Variants in SCYL3 observed in about 807,000 individuals in gnomAD.
The protein encoded by SCYL3 is protein-associating with the carboxyl-terminal domain of ezrin.
A neutral mutation model predicts 73.8 loss-of-function variants in SCYL3; 35 were observed. That is an observed-to-expected ratio of 0.47 (90% CI 0.36 to 0.63). The LOEUF (loss-of-function observed/expected upper bound fraction) is 0.63. Ranked by LOEUF, SCYL3 falls within the 20% of genes least tolerant of loss-of-function variation. The probability of loss-of-function intolerance (pLI) is 0.00; values close to 1 mark genes in which losing one functional copy is unlikely to be tolerated. For missense variants in SCYL3, 712 were observed against 798.9 expected, an observed-to-expected ratio of 0.89 and a Z score of 1.31; for synonymous variants, 277 against 295.2, an observed-to-expected ratio of 0.94 and a Z score of 0.63.
chr1:169,871,352 A>G (rs565966527), intron 5 of SCYL3, among the ~76,000 whole-genome samples: 62 of 152,316 alleles, frequency 4.1e-4, no homozygotes, highest in African/African-American at 1.4e-3. Flanking sequence ...TGGCTTTAAA[A>G]AAGGGGAGTT....
At chr1:169,891,743 G>C (rs1486002915) in intron 1 of SCYL3, among the ~76,000 whole-genome samples, 2 of 152,238 alleles carry the variant, frequency 1.3e-5, no homozygotes, top group African/African-American at 4.8e-5. Context: ...TTCAGGGTCA[G>C]TGCTCTGGCT....
Position 169,860,550 on chromosome 1 carries a change from A to G in SCYL3, c.1141-1338T>C, listed in dbSNP as rs138980636. Among the ~76,000 whole-genome samples the G allele has an allele frequency of 4.0e-3, 605 of 152,340 alleles. 2 individuals carry two copies. The highest frequency in any genetic ancestry group is 0.013 in the African/African-American group (558 of 41,570). ...TTTCTGGCCTGGTTTCCTCATTTATATAGTAAGATTAAAGGTTTCCAACAG... is the reference window on the plus strand; with the variant it reads ...TTTCTGGCCTGGTTTCCTCATTTATGTAGTAAGATTAAAGGTTTCCAACAG... On this transcript the variant is annotated intron_variant, in intron 10 of 12. Transcript: ENST00000367771.
intron 11 of SCYL3, among the ~76,000 whole-genome samples, chr1:169,858,766 T>A (rs1159115752): frequency 6.6e-6 from 1 of 152,078 alleles, no homozygotes; most frequent in Admixed American, 6.6e-5. Context: ...GTCAGTCATT[T>A]ACGAGGTCCT....
chr1:169,859,127 G>A lies in SCYL3; in HGVS notation c.1226C>T (p.Pro409Leu). The change falls in exon 11 of 13, where the codon CCA becomes CTA. Residue 409 changes from proline to leucine, a missense_variant. This residue lies in a region of SCYL3 where 370 missense variants were observed against 350.8 expected (regional missense o/e 1.05). Coordinates refer to ENST00000367771, the MANE Select transcript of SCYL3 (RefSeq NM_020423.7). ...SLAVLVSLLG[P>L]EVVVGGERTK... ...TCGTTCTCCTCCCACAACCACCTCT[G>A]GTCCAAGCAGAGAGACCAGCACTGC... is the stretch of plus-strand genomic sequence containing the variant. 2 of 1,614,016 alleles carry A rather than the reference G, an allele frequency of 1.2e-6. No homozygotes were observed. Among genetic ancestry groups the A allele is most frequent in the Non-Finnish European group, 1.7e-6 (2 of 1,179,986 alleles).
At chr1:169,862,400 A>G (rs1333276514) in intron 10 of SCYL3, among the ~76,000 whole-genome samples, 1 of 152,248 alleles carries the variant, frequency 6.6e-6, no homozygotes, top group Non-Finnish European at 1.5e-5. Flanking sequence ...ACAAACAATT[A>G]TAGTTTCTCC....
intron 1 of SCYL3, among the ~76,000 whole-genome samples, chr1:169,893,548 C>T (rs1426774835): frequency 6.6e-6 from 1 of 152,122 alleles, no homozygotes; most frequent in Non-Finnish European, 1.5e-5. Flanking sequence ...CCTCACCCGT[C>T]GGGGGCCGCC....
rs1429804304 is a variant in SCYL3 at position 169,854,328 on chromosome 1, T to A, written c.1949A>T (p.Asp650Val). Reference protein sequence around the residue: ...ELRTEMVPKKDDVSPVMQFSS... With the variant: ...ELRTEMVPKKVDVSPVMQFSS... ...AAACTGCATCACTGGGGAGACATCA[T>A]CCTTTTTTGGGACCATTTCTGTCCT... is the stretch of plus-strand genomic sequence containing the variant. The change falls in exon 12 of 13, where the codon GAT becomes GTT. Residue 650 changes from aspartate (D) to valine (V), a missense_variant. By Grantham distance (152) the Asp-to-Val change is radical. Coordinates refer to ENST00000367771, the MANE Select transcript of SCYL3 (RefSeq NM_020423.7). The A allele has an allele frequency of 6.2e-7, 1 of 1,612,896 alleles. No homozygotes were observed. Among genetic ancestry groups the A allele is most frequent in the Non-Finnish European group, 8.5e-7 (1 of 1,179,732 alleles).
intron 8 of SCYL3, 97 bp downstream of exon 8, chr1:169,866,799 A>AT: frequency 1.4e-6 from 1 of 728,746 alleles, no homozygotes; most frequent in South Asian, 1.6e-5. Context: ...ATGTGAAATA[A>AT]ACCAAATATA....
In SCYL3 at chr1:169,888,975, C is replaced by T. The variant is rs557829417; in HGVS notation, c.-50-85G>A. ...GATATCCAGACATAGCCACCCCAAA[C>T]TACTAGTTTCTTTGATCCTCATAAC... is the stretch of plus-strand genomic sequence containing the variant. On this transcript the variant is annotated intron_variant, in intron 1 of 12. Coordinates refer to ENST00000367771, the MANE Select transcript of SCYL3 (RefSeq NM_020423.7). The T allele has an allele frequency of 4.6e-5, 31 of 674,118 alleles. No individual in the cohort carries two copies. In the African/African-American group the frequency reaches 4.7e-4, roughly 10 times the overall value. 41.8% of individuals were successfully genotyped at this position (674,118 alleles called of 1,614,324 possible). A position where few individuals can be genotyped will look rare whatever the true frequency, so the allele number is the denominator to read the frequency against.
intron 10 of SCYL3, among the ~76,000 whole-genome samples, chr1:169,860,939 A>C (rs1659594416): frequency 6.6e-6 from 1 of 152,182 alleles, no homozygotes; most frequent in Non-Finnish European, 1.5e-5. Context: ...TCTTTAGGGG[A>C]AGCAGTTTCC....
Position 169,864,351 on chromosome 1 carries a change from C to CTTTGAAAAAATAACT in SCYL3, c.955+17_955+18insAGTTATTTTTTCAAA, listed in dbSNP as rs762447719. ...CCAAACTTCTTAACTAGCAATAACA[C>CTTTGAAAAAATAACT]TTTGAAAAAGCATTCACCTTTTTTG... On this transcript the variant is annotated intron_variant, in intron 9 of 12. Coordinates refer to ENST00000367771, the MANE Select transcript of SCYL3 (RefSeq NM_020423.7). 2.9e-4 allele frequency: 463 copies of CTTTGAAAAAATAACT among 1,614,132 alleles called. 1 individual carries two copies. Among genetic ancestry groups the CTTTGAAAAAATAACT allele is most frequent in the Non-Finnish European group, 3.3e-4 (395 of 1,179,998 alleles).
intron 9 of SCYL3, among the ~76,000 whole-genome samples, chr1:169,863,568 A>G (rs998030269): frequency 6.6e-6 from 1 of 152,160 alleles, no homozygotes. Flanking sequence ...TTATTTGGGA[A>G]CTTTTAAAAA....
intron 2 of SCYL3, among the ~76,000 whole-genome samples, chr1:169,886,168 G>A (rs1026931402): frequency 9.2e-5 from 14 of 152,106 alleles, no homozygotes; most frequent in Non-Finnish European, 1.3e-4. Flanking sequence ...AAAATGAGCT[G>A]GGTGTGTCGG....
chr1:169,850,234 A>G lies in SCYL3; in HGVS notation c.*3479T>C, dbSNP rs1350331514. 6.9e-7 allele frequency: 1 copy of G among 1,444,842 alleles called. No homozygotes were observed. Among genetic ancestry groups the G allele is most frequent in the South Asian group, 1.2e-5 (1 of 85,434 alleles). 89.5% of individuals were successfully genotyped at this position (1,444,842 alleles called of 1,614,324 possible). A position where few individuals can be genotyped will look rare whatever the true frequency, so the allele number is the denominator to read the frequency against. ...GTCTTTGCAAGTTGTTGAAATGTTA[A>G]AATTGGTCTTGTTCATCAATTTTTT... On this transcript the variant is annotated 3_prime_UTR_variant, in exon 13 of 13. Transcript: ENST00000367771.
intron 12 of SCYL3, 23 bp downstream of exon 12, chr1:169,854,247 G>A: frequency 6.4e-7 from 1 of 1,550,954 alleles, no homozygotes; most frequent in Non-Finnish European, 8.7e-7. Flanking sequence ...TAGTAGCACA[G>A]TTTACTCCAT....
chr1:169,876,930 A>G (rs376696863), intron 3 of SCYL3, among the ~76,000 whole-genome samples: 39 of 134,932 alleles, frequency 2.9e-4, no homozygotes, highest in African/African-American at 4.4e-4. Flanking sequence ...ACTCCAGCCT[A>G]GGCGACAGAG....
chr1:169,862,831 A>C (rs11585743), intron 9 of SCYL3, 34 bp from the exon 10 acceptor site: 1 of 1,604,078 alleles, frequency 6.2e-7, no homozygotes, highest in Non-Finnish European at 8.5e-7. Flanking sequence ...AGATGAAAAA[A>C]CAAATTTTCA....
intron 2 of SCYL3, among the ~76,000 whole-genome samples, chr1:169,881,127 T>C (rs559147877): frequency 8.5e-5 from 13 of 152,354 alleles, no homozygotes; most frequent in African/African-American, 2.9e-4. Flanking sequence ...TAATACTTCC[T>C]GGTGAGGTTT....
rs747553175 is a variant in SCYL3, at chr1:169,852,064, G to C, written c.*1649C>G. On this transcript the variant is annotated 3_prime_UTR_variant, in exon 13 of 13. Coordinates refer to ENST00000367771, the MANE Select transcript of SCYL3 (RefSeq NM_020423.7). ...TTTCAAATCAAATAGATCTAGACAT[G>C]TAAAATTCTGTTTTATGGTAGTTGC... is the stretch of plus-strand genomic sequence containing the variant. The C allele has an allele frequency of 5.0e-5, 65 of 1,310,094 alleles. No individual in the cohort carries two copies. Among genetic ancestry groups the C allele is most frequent in the South Asian group, 4.8e-4 (38 of 79,256 alleles). 81.2% of individuals were successfully genotyped at this position (1,310,094 alleles called of 1,614,324 possible). A position where few individuals can be genotyped will look rare whatever the true frequency, so the allele number is the denominator to read the frequency against.
Sources: gnomAD v4.1 joint callset for allele counts (sites outside exome capture counted in the v4.1 genomes callset) on GRCh38, gnomAD v4.1.1 for gene constraint, gnomAD v4.1.1 regional missense constraint, MANE v1.5 for transcripts, NCBI Gene and HGNC (gene_info 2026-07-23, HGNC 2026-07-21) for gene names.